PKN2: variants seen among roughly 807,000 people sequenced by gnomAD.
PKN2 encodes serine/threonine-protein kinase N2.
PKN2 carries 38 observed loss-of-function variants against 119.1 expected under a neutral mutation model. That is an observed-to-expected ratio of 0.32 (90% CI 0.25 to 0.42). The LOEUF is 0.42. PKN2 is among the 10% of genes least tolerant of loss of function. The pLI, the probability that PKN2 is intolerant of heterozygous loss-of-function variation, is 1.00. For synonymous variants in PKN2, 390 were observed against 384.9 expected (o/e 1.01, Z -0.15); for missense variants, 850 against 1,165.1 (o/e 0.73, Z 3.94).
intron 6 of PKN2, chr1:88,781,198 G>C (rs1670328257): frequency 2.4e-6 from 3 of 1,258,040 alleles, no homozygotes; most frequent in Non-Finnish European, 1.0e-6. Flanking sequence ...TTCACTGCAT[G>C]CTATTATTTG....
intron 1 of PKN2, among the ~76,000 whole-genome samples, chr1:88,719,153 C>T (rs1446731660): frequency 6.6e-6 from 1 of 152,224 alleles, no homozygotes; most frequent in Non-Finnish European, 1.5e-5. Flanking sequence ...TCCTAAATCA[C>T]ATTTGTGTCA....
rs757139391 is a variant in PKN2, at chr1:88,827,201, A to G, written c.2420-1280A>G. Among the ~76,000 whole-genome samples, 158 of 152,288 alleles carry G rather than the reference A, an allele frequency of 1.0e-3. 2 individuals are homozygous for G. Among genetic ancestry groups the G allele is most frequent in the Non-Finnish European group, 2.1e-3 (142 of 68,016 alleles). The stretch of plus-strand genomic sequence containing the variant: ...ATAATATCTTCAATATGTAGACTAT[A>G]TATTTGATTAACATATTAATAAATT... On this transcript the variant is annotated intron_variant, in intron 18 of 21. Transcript: ENST00000370521.
rs573573416 is a variant in PKN2 at position 88,761,520 on chromosome 1, A to G, written c.504+1144A>G. Among the ~76,000 whole-genome samples, 6 of 151,338 alleles carry G rather than the reference A, an allele frequency of 4.0e-5. No homozygotes were observed. In the East Asian group the frequency reaches 9.7e-4, roughly 25 times the overall value. On this transcript the variant is annotated intron_variant, in intron 3 of 21. Coordinates refer to ENST00000370521, the MANE Select transcript of PKN2 (RefSeq NM_006256.4). The stretch of plus-strand genomic sequence containing the variant: ...ACTAGGCCTGGTGGCTCACACCTGT[A>G]TACCTAGAACTCTGGGAGGCTGAGG...
At chr1:88,686,122 A>G (rs982719649) in intron 1 of PKN2, among the ~76,000 whole-genome samples, 12 of 152,166 alleles carry the variant, frequency 7.9e-5, no homozygotes, top group Admixed American at 5.2e-4. Context: ...GGAATTTACT[A>G]TTTTATTAAT....
chr1:88,744,664 G>A (rs868562895), intron 2 of PKN2, among the ~76,000 whole-genome samples: 2 of 152,054 alleles, frequency 1.3e-5, no homozygotes, highest in African/African-American at 2.4e-5. Flanking sequence ...TTGTTGATCC[G>A]CCCACCTCGG....
At chr1:88,787,764 C>T (rs957451714) in intron 8 of PKN2, among the ~76,000 whole-genome samples, 36 of 152,188 alleles carry the variant, frequency 2.4e-4, no homozygotes, top group African/African-American at 8.7e-4. Context: ...GAATAATGCT[C>T]CTTTTAAAAT....
Position 88,813,608 on chromosome 1 carries a change from CT to C in PKN2, c.2159del (p.Leu720TrpfsTer2). 2 of 1,609,848 alleles carry C rather than the reference CT, an allele frequency of 1.2e-6. No individual in the cohort carries two copies. Among genetic ancestry groups the C allele is most frequent in the Admixed American group, 1.7e-5 (1 of 59,120 alleles). ...FETVNSVRHP[F>X]LVNLFACFQT... ...AAACTGTGAATAGTGTAAGGCATCC[CT>C]TTTTGGTGAACCTTTTTGCATGTTT... On this transcript the variant is annotated frameshift_variant, in exon 16 of 22. Transcript: ENST00000370521. LOFTEE classifies it high-confidence loss of function.
In PKN2 at chr1:88,828,609, A is replaced by G. The variant is rs749368391; in HGVS notation, c.2548A>G (p.Met850Val). 6.2e-7 allele frequency: 1 copy of G among 1,612,502 alleles called. No homozygotes were observed. Among genetic ancestry groups the G allele is most frequent in the Non-Finnish European group, 8.5e-7 (1 of 1,178,824 alleles). The change falls in exon 19 of 22, where the codon ATG becomes GTG. Residue 850 changes from methionine to valine, a missense_variant. Met to Val is a conservative substitution (Grantham distance 21). Around this residue, in one of 9 missense-constraint regions of PKN2, gnomAD observed 95 missense variants for 150.2 expected, o/e 0.63. Transcript: ENST00000370521. ...GGGCCTTGGCGTGCTTATATATGAA[A>G]TGCTTGTTGGTGAGGTAAGCAGTGT... ...WWGLGVLIYE[M>V]LVGESPFPGD...
chr1:88,684,733 C>G (rs1666004165), intron 1 of PKN2, 105 bp downstream of exon 1: 1 of 994,658 alleles, frequency 1.0e-6, no homozygotes, highest in Non-Finnish European at 1.4e-6. Context: ...GCGCCCCTAG[C>G]CCGCTAAGTG....
chr1:88,828,690 T>TA (rs1248214450), intron 19 of PKN2, 67 bp downstream of exon 19: 2 of 1,331,638 alleles, frequency 1.5e-6, no homozygotes, highest in African/African-American at 1.4e-5. Flanking sequence ...ATGTCATTTA[T>TA]AAAACCACCT....
chr1:88,730,539 G>A (rs746913352), intron 1 of PKN2, among the ~76,000 whole-genome samples: 33 of 152,206 alleles, frequency 2.2e-4, no homozygotes, highest in Admixed American at 8.5e-4. Context: ...TCAAAATCCT[G>A]GATTTAGTTC....
intron 2 of PKN2, among the ~76,000 whole-genome samples, chr1:88,746,240 G>A (rs1387277860): frequency 6.6e-6 from 1 of 152,050 alleles, no homozygotes; most frequent in South Asian, 2.1e-4. Flanking sequence ...TTGGATAAAA[G>A]CAGAGGCAAA....
chr1:88,803,078 A>T (rs1329581092), intron 8 of PKN2, among the ~76,000 whole-genome samples: 1 of 152,146 alleles, frequency 6.6e-6, no homozygotes, highest in African/African-American at 2.4e-5. Context: ...TGCTAGTCTT[A>T]ATTATATTCT....
intron 6 of PKN2, 46 bp from the exon 7 acceptor site, chr1:88,784,593 A>T (rs373441360): frequency 3.4e-6 from 4 of 1,170,214 alleles, no homozygotes; most frequent in African/African-American, 1.6e-5. Flanking sequence ...AGGATTCCAT[A>T]GATTAAGGGT....
intron 1 of PKN2, among the ~76,000 whole-genome samples, chr1:88,689,145 G>C (rs1334082796): frequency 6.6e-6 from 1 of 152,136 alleles, no homozygotes; most frequent in African/African-American, 2.4e-5. Context: ...AAGGTAAACA[G>C]GGTAGTTAAG....
chr1:88,704,272 A>G (rs952488989), intron 1 of PKN2, among the ~76,000 whole-genome samples: 3 of 152,224 alleles, frequency 2.0e-5, no homozygotes, highest in East Asian at 3.9e-4. Flanking sequence ...GGCATCTTTC[A>G]CTCAAATCAT....
At chr1:88,770,503 A>C in intron 4 of PKN2, 34 bp downstream of exon 4, 1 of 1,089,192 alleles carries the variant, frequency 9.2e-7, no homozygotes, top group Non-Finnish European at 1.4e-6. Flanking sequence ...TCTTATGAGC[A>C]TAATGGTGCT....
intron 1 of PKN2, among the ~76,000 whole-genome samples, chr1:88,733,138 C>T (rs1668207476): frequency 1.3e-5 from 2 of 152,164 alleles, no homozygotes; most frequent in Admixed American, 6.5e-5. Flanking sequence ...GTGAATAATG[C>T]TGTAATAAAC....
Position 88,760,232 on chromosome 1 carries a change from G to T in PKN2, c.360G>T (p.Arg120Ser). 1 of 1,546,500 alleles carries T rather than the reference G, an allele frequency of 6.5e-7. No homozygotes were observed. The highest frequency in any genetic ancestry group is 1.2e-5 in the South Asian group (1 of 85,724). The change falls in exon 3 of 22, where the codon AGG becomes AGT. Residue 120 changes from arginine (R) to serine (S), a missense_variant. Around this residue, in one of 9 missense-constraint regions of PKN2, gnomAD observed 350 missense variants for 511.1 expected, o/e 0.68. Transcript: ENST00000370521. ...ATATTTTATTTACAGATTGCCCAAG[G>T]ACTCCAGATACTCCAAATAATGACC... ...SDPEDITDCP[R>S]TPDTPNNDPR...
Sources: allele counts gnomAD v4.1 joint callset (sites outside exome capture counted in the v4.1 genomes callset), GRCh38; gene constraint gnomAD v4.1.1; regional missense constraint gnomAD v4.1.1; transcripts MANE v1.5; gene names NCBI Gene and HGNC (gene_info 2026-07-23, HGNC 2026-07-21).